MALRD1: variants seen among roughly 807,000 people sequenced by gnomAD.
MALRD1 encodes MAM and LDL receptor class A domain containing 1, also known as MAM and LDL-receptor class A domain-containing protein 1.
In MALRD1, 247 loss-of-function variants were observed where a neutral mutation model predicts 242.1. The observed-to-expected ratio is 1.02, with a 90% CI of 0.92 to 1.13. MALRD1 has a LOEUF of 1.13. Among genes scored for constraint, MALRD1 ranks in the 50% most tolerant of loss-of-function variants. The pLI is 0.00. For missense variants in MALRD1, 2,989 were observed against 2,533.1 expected (o/e 1.18, Z -3.86); for synonymous variants, 995 against 866.6 (o/e 1.15, Z -2.60).
chr10:19,370,449 A>G (rs966938130), intron 26 of MALRD1, among the ~76,000 whole-genome samples: 2 of 150,934 alleles, frequency 1.3e-5, no homozygotes, highest in South Asian at 4.1e-4. Context: ...TTTTTAAAAA[A>G]ATTGTCTCTA....
intron 19 of MALRD1, among the ~76,000 whole-genome samples, chr10:19,258,369 C>T (rs1443952983): frequency 6.6e-6 from 1 of 152,006 alleles, no homozygotes; most frequent in East Asian, 1.9e-4. Flanking sequence ...ACAACCCAGG[C>T]CTTGAATAGT....
rs1413689374 is a variant in MALRD1 at position 19,209,471 on chromosome 10, T to G, written c.2782T>G (p.Leu928Val). ...ACAGGCTTTTCAAGACAGTGCTGCC[T>G]TACTCAGCCCAATCCTTAATGCCAC... ...EPQAFQDSAA[L>V]LSPILNATDT... The change falls in exon 18 of 40, where the codon TTA becomes GTA. Residue 928 changes from leucine (L) to valine (V), a missense_variant. Physicochemically the swap from Leu to Val is conservative, Grantham distance 32 (BLOSUM62 1). Transcript: ENST00000454679. 6.6e-5 allele frequency: 103 copies of G among 1,550,748 alleles called. No homozygotes were observed. Among genetic ancestry groups the G allele is most frequent in the Non-Finnish European group, 8.6e-5 (99 of 1,147,064 alleles).
rs965411940 is a variant in MALRD1 at position 19,531,290 on chromosome 10, G to A, written c.5417G>A (p.Gly1806Glu). Reference protein sequence around the residue: ...TTSKSFPASLGMCTVRFWFYM... With the variant: ...TTSKSFPASLEMCTVRFWFYM... ...TCCAAATCCTTCCCAGCAAGCCTTG[G>A]AATGTGTACTGTTCGGTTCTGGTTC... is the stretch of plus-strand genomic sequence containing the variant. Residue 1806 changes from glycine (G) to glutamate (E), a missense_variant, in exon 32 of 40, where the codon GGA (glycine) becomes GAA (glutamate). Coordinates refer to ENST00000454679, the MANE Select transcript of MALRD1 (RefSeq NM_001142308.3). The A allele has an allele frequency of 2.6e-6, 4 of 1,550,254 alleles. No homozygotes were observed. The African/African-American group carries it at 5.5e-5, about 21-fold the overall frequency.
intron 21 of MALRD1, among the ~76,000 whole-genome samples, chr10:19,302,578 T>A (rs928448292): frequency 1.3e-5 from 2 of 151,714 alleles, no homozygotes; most frequent in Admixed American, 1.3e-4. Context: ...ATTTCCAGAT[T>A]GGGCAAATCT....
At chr10:19,088,312 T>G in intron 4 of MALRD1, 127 bp downstream of exon 4, 1 of 849,856 alleles carries the variant, frequency 1.2e-6, no homozygotes, top group Non-Finnish European at 1.6e-6. Flanking sequence ...CCCAGGACTT[T>G]CAAATGCTGA....
chr10:19,606,462 C>A (rs1380428688), intron 34 of MALRD1, among the ~76,000 whole-genome samples: 1 of 152,112 alleles, frequency 6.6e-6, no homozygotes, highest in African/African-American at 2.4e-5. Context: ...TCTACTGCTG[C>A]CTTTGACATA....
At chr10:19,132,386 G>A (rs17645913) in intron 8 of MALRD1, among the ~76,000 whole-genome samples, 9,443 of 152,166 alleles carry the variant, frequency 0.062, 319 homozygotes, top group South Asian at 0.14. Context: ...TGTCCACCCC[G>A]TGTGCTTCAC....
intron 36 of MALRD1, among the ~76,000 whole-genome samples, chr10:19,632,713 AAGAC>A (rs1317373275): frequency 6.6e-6 from 1 of 152,072 alleles, no homozygotes; most frequent in Non-Finnish European, 1.5e-5. Flanking sequence ...AACCCCAAAA[AAGAC>A]AGGGCAGAAA....
At chr10:19,282,390 A>T (rs904192863) in intron 20 of MALRD1, among the ~76,000 whole-genome samples, 1 of 152,220 alleles carries the variant, frequency 6.6e-6, no homozygotes, top group Non-Finnish European at 1.5e-5. Flanking sequence ...TTTCTATAGT[A>T]TACACAAGAA....
Position 19,539,893 on chromosome 10 carries a change from TGTGTGCGC to T in MALRD1, c.5478+8544_5478+8551del, listed in dbSNP as rs1206297510. ...GTGTGTGTGTGTGTGTGTGTGTGTG[TGTGTGCGC>T]GCGCGCGTGCGCGCACACACGCGCA... On this transcript the variant is annotated intron_variant, in intron 32 of 39. Coordinates refer to ENST00000454679, the MANE Select transcript of MALRD1 (RefSeq NM_001142308.3). 1.3e-3 allele frequency among the ~76,000 whole-genome samples: 86 copies of T among 64,790 alleles called. 2 individuals are homozygous for T. In the Admixed American group the frequency reaches 0.016, roughly 12 times the overall value. The allele number at this position is 64,790 out of a possible 152,430, so 42.5% of individuals were successfully genotyped here. A position where few individuals can be genotyped will look rare whatever the true frequency, so the allele number is the denominator to read the frequency against.
chr10:19,336,815 A>G (rs1412699893), intron 24 of MALRD1, among the ~76,000 whole-genome samples: 2 of 152,138 alleles, frequency 1.3e-5, no homozygotes. Flanking sequence ...ATAGAACACA[A>G]ATCTAAGATG....
chr10:19,467,214 G>A (rs1389152717), intron 29 of MALRD1, among the ~76,000 whole-genome samples: 1 of 70,604 alleles, frequency 1.4e-5, no homozygotes, highest in Non-Finnish European at 2.9e-5. Flanking sequence ...AATTAGCCGG[G>A]TGTGGTGGTG....
At chr10:19,646,174 G>C (rs745939965) in intron 36 of MALRD1, among the ~76,000 whole-genome samples, 3 of 152,110 alleles carry the variant, frequency 2.0e-5, no homozygotes, top group Admixed American at 6.5e-5. Context: ...TTCCTTTGCA[G>C]CAGTTCATTA....
intron 23 of MALRD1, among the ~76,000 whole-genome samples, chr10:19,329,787 T>C (rs1564567519): frequency 6.6e-6 from 1 of 152,150 alleles, no homozygotes; most frequent in African/African-American, 2.4e-5. Context: ...GTTTCTCTCT[T>C]TTTTAATAAC....
chr10:19,484,215 C>T (rs1161978271), intron 29 of MALRD1, among the ~76,000 whole-genome samples: 1 of 152,180 alleles, frequency 6.6e-6, no homozygotes. Flanking sequence ...TCTCAAATCT[C>T]AGCATCACAC....
Position 19,555,315 on chromosome 10 carries a change from G to A in MALRD1, c.5479-12187G>A, listed in dbSNP as rs887091212. Reference sequence around the variant, plus strand: ...ACATTTCAACATGAGATTTGGAGGGGACAAACATCTAAACCCCATCAAAAG... The same window carrying A: ...ACATTTCAACATGAGATTTGGAGGGAACAAACATCTAAACCCCATCAAAAG... On this transcript the variant is annotated intron_variant, in intron 32 of 39. Transcript: ENST00000454679. 5.9e-5 allele frequency among the ~76,000 whole-genome samples: 9 copies of A among 152,210 alleles called. No homozygotes were observed. In the East Asian group the frequency reaches 1.7e-3, roughly 29 times the overall value.
chr10:19,257,156 T>C (rs1178488364), intron 18 of MALRD1, among the ~76,000 whole-genome samples: 1 of 152,078 alleles, frequency 6.6e-6, no homozygotes, highest in Non-Finnish European at 1.5e-5. Flanking sequence ...CTGAAGGAGA[T>C]CTAATCACGA....
intron 36 of MALRD1, among the ~76,000 whole-genome samples, chr10:19,666,586 T>A (rs1366436793): frequency 6.6e-6 from 1 of 152,196 alleles, no homozygotes; most frequent in Non-Finnish European, 1.5e-5. Context: ...TTGCGAGTAT[T>A]CTCTTGGGAA....
intron 26 of MALRD1, among the ~76,000 whole-genome samples, chr10:19,367,538 C>T (rs1056057652): frequency 6.6e-6 from 1 of 152,088 alleles, no homozygotes; most frequent in East Asian, 1.9e-4. Context: ...AGGCTGATTT[C>T]TTATCTTGGC....
Sources: gnomAD v4.1 joint callset for allele counts (sites outside exome capture counted in the v4.1 genomes callset) on GRCh38, gnomAD v4.1.1 for gene constraint, MANE v1.5 for transcripts, NCBI Gene and HGNC (gene_info 2026-07-23, HGNC 2026-07-21) for gene names.